The following ESR2 variants were observed in gnomAD, a reference collection of about 807,000 sequenced individuals.
ESR2 encodes estrogen receptor beta.
In ESR2, 36 loss-of-function variants were observed where a neutral mutation model predicts 49.6. That is an observed-to-expected ratio of 0.73 (90% CI 0.56 to 0.96). The LOEUF (loss-of-function observed/expected upper bound fraction) is 0.96, where lower values mean the gene tolerates loss of function less well. Among genes scored for constraint, ESR2 ranks in the 40% least tolerant of loss-of-function variants. The pLI, the probability that ESR2 is intolerant of heterozygous loss-of-function variation, is 0.00. For missense variants in ESR2, 714 were observed against 693.0 expected, an observed-to-expected ratio of 1.03 and a Z score of -0.34; for synonymous variants, 320 against 266.1, an observed-to-expected ratio of 1.20 and a Z score of -1.97.
At chr14:64,241,586 C>T (rs1164911065) in intron 7 of ESR2, among the ~76,000 whole-genome samples, 2 of 152,176 alleles carry the variant, frequency 1.3e-5, no homozygotes, top group Non-Finnish European at 2.9e-5. Context: ...TTCAGGATTT[C>T]TTTAATTTCC....
chr14:64,236,207 A>G (rs755294554), intron 7 of ESR2, among the ~76,000 whole-genome samples: 1 of 152,194 alleles, frequency 6.6e-6, no homozygotes, highest in Non-Finnish European at 1.5e-5. Context: ...AAGCACAATT[A>G]CGTAAGTGTA....
chr14:64,248,065 G>A (rs928350042), intron 7 of ESR2, among the ~76,000 whole-genome samples: 5 of 152,136 alleles, frequency 3.3e-5, no homozygotes, highest in Non-Finnish European at 5.9e-5. Context: ...GTGGTGGCAG[G>A]TGCTTGTGGT....
At chr14:64,296,706 A>T (rs1441680085), upstream of ESR2, among the ~76,000 whole-genome samples, 2 of 152,184 alleles carry the variant, frequency 1.3e-5, no homozygotes, top group Non-Finnish European at 2.9e-5. Flanking sequence ...GTTCACTGTG[A>T]TGCTTCCTTC....
intron 3 of ESR2, among the ~76,000 whole-genome samples, chr14:64,274,867 T>C (rs1356452254): frequency 6.6e-6 from 1 of 152,224 alleles, no homozygotes; most frequent in African/African-American, 2.4e-5. Context: ...ACACACTGGT[T>C]GTTCAGGAGT....
intron 1 of ESR2, among the ~76,000 whole-genome samples, chr14:64,303,149 AC>A (rs1385550384): frequency 2.0e-5 from 3 of 152,044 alleles, no homozygotes; most frequent in Non-Finnish European, 2.9e-5. Flanking sequence ...CGGTGATTAA[AC>A]CCCGAGTGGC....
chr14:64,227,242 T>A, downstream of ESR2: 1 of 433,556 alleles, frequency 2.3e-6, no homozygotes, highest in Non-Finnish European at 4.1e-6. Flanking sequence ...CATCAGTAGA[T>A]GAAGCCTCAG....
At chr14:64,242,931 G>T (rs981459796) in intron 7 of ESR2, among the ~76,000 whole-genome samples, 1 of 152,198 alleles carries the variant, frequency 6.6e-6, no homozygotes, top group African/African-American at 2.4e-5. Context: ...CTCATGTGGC[G>T]GCAGACAAGA....
intron 1 of ESR2, among the ~76,000 whole-genome samples, chr14:64,283,685 T>C (rs1596455969): frequency 7.3e-6 from 1 of 136,418 alleles, no homozygotes; most frequent in African/African-American, 2.8e-5. Flanking sequence ...GAGGCAGAGG[T>C]TGTAGTGAGC....
At chr14:64,245,906 T>G (rs1401266370) in intron 7 of ESR2, among the ~76,000 whole-genome samples, 5 of 152,230 alleles carry the variant, frequency 3.3e-5, no homozygotes, top group Admixed American at 2.0e-4. Context: ...CATTTGATGA[T>G]CTTCCATTGC....
At chr14:64,241,322 C>A (rs1450696214) in intron 7 of ESR2, among the ~76,000 whole-genome samples, 1 of 152,200 alleles carries the variant, frequency 6.6e-6, no homozygotes, top group Non-Finnish European at 1.5e-5. Context: ...TTTCTGGACT[C>A]TCTGTTCCAT....
chr14:64,238,010 A>C (rs1442382075), intron 7 of ESR2, among the ~76,000 whole-genome samples: 1 of 152,222 alleles, frequency 6.6e-6, no homozygotes, highest in African/African-American at 2.4e-5. Context: ...TGTATACTTA[A>C]TATGGATAAA....
intron 1 of ESR2, among the ~76,000 whole-genome samples, chr14:64,332,873 CT>C (rs150273193): frequency 0.14 from 17,520 of 128,464 alleles, 1,038 homozygotes; most frequent in Non-Finnish European, 0.2. Context: ...AATCACAAAT[CT>C]TTTTTTTTTT....
At chr14:64,264,903 G>T (rs970374665) in intron 4 of ESR2, among the ~76,000 whole-genome samples, 1 of 144,300 alleles carries the variant, frequency 6.9e-6, no homozygotes, top group Non-Finnish European at 1.5e-5. Flanking sequence ...AAAAAAAAAA[G>T]CACCTTTCTG....
intron 7 of ESR2, among the ~76,000 whole-genome samples, chr14:64,243,926 C>G (rs993409199): frequency 7.2e-5 from 11 of 152,186 alleles, no homozygotes; most frequent in Admixed American, 3.3e-4. Flanking sequence ...AGTACTCTCC[C>G]CTCCAAGTCC....
intron 2 of ESR2, among the ~76,000 whole-genome samples, chr14:64,281,801 A>G (rs535936156): frequency 3.9e-5 from 6 of 152,232 alleles, no homozygotes; most frequent in Non-Finnish European, 7.3e-5. Flanking sequence ...CTAAACTTCA[A>G]TAGTTTCCAC....
chr14:64,308,311 G>T (rs1477033085), intron 1 of ESR2, among the ~76,000 whole-genome samples: 3 of 152,116 alleles, frequency 2.0e-5, no homozygotes, highest in Non-Finnish European at 4.4e-5. Flanking sequence ...ACCGCGCCGG[G>T]CCCCTATTTT....
In ESR2 at chr14:64,232,851, G is replaced by C; in HGVS notation, c.*286C>G. ...AACCTTTAAGATGTTTCACAAAGGGGAGGAAGGAAGAAGGAAAGTAAGAAA... is the reference window on the plus strand; with the variant it reads ...AACCTTTAAGATGTTTCACAAAGGGCAGGAAGGAAGAAGGAAAGTAAGAAA... On this transcript the variant is annotated 3_prime_UTR_variant, in exon 9 of 9. Coordinates refer to ENST00000341099, the MANE Select transcript of ESR2 (RefSeq NM_001437.3). The C allele has an allele frequency of 2.7e-6, 1 of 370,732 alleles. No individual in the cohort carries two copies. Among genetic ancestry groups the C allele is most frequent in the Non-Finnish European group, 4.7e-6 (1 of 214,000 alleles). The allele number at this position is 370,732 out of a possible 1,614,324, so 23.0% of individuals were successfully genotyped here.
At chr14:64,297,920 G>A (rs1403044439), upstream of ESR2, among the ~76,000 whole-genome samples, 2 of 152,120 alleles carry the variant, frequency 1.3e-5, no homozygotes, top group East Asian at 1.9e-4. Context: ...TTTATATTAT[G>A]TGGGTATAAA....
intron 1 of ESR2, among the ~76,000 whole-genome samples, chr14:64,333,392 G>T (rs2077487190): frequency 1.3e-5 from 2 of 152,096 alleles, no homozygotes; most frequent in South Asian, 4.1e-4. Flanking sequence ...CCTTGACATC[G>T]TATTTCAGGG....
Sources: gnomAD v4.1 joint callset for allele counts (sites outside exome capture counted in the v4.1 genomes callset) on GRCh38, gnomAD v4.1.1 for gene constraint, MANE v1.5 for transcripts, NCBI Gene and HGNC (gene_info 2026-07-23, HGNC 2026-07-21) for gene names.